The following SLC16A12 variants were observed in gnomAD, a reference collection of about 807,000 sequenced individuals.
The protein encoded by SLC16A12 is monocarboxylate transporter 12.
In SLC16A12, 17 loss-of-function variants were observed where a neutral mutation model predicts 42.4. The observed-to-expected ratio is 0.40, with a 90% CI of 0.27 to 0.60. The LOEUF (loss-of-function observed/expected upper bound fraction) is 0.60, where lower values mean the gene tolerates loss of function less well. Among genes scored for constraint, SLC16A12 ranks in the 20% least tolerant of loss-of-function variants. The pLI is 0.42. For missense variants in SLC16A12, 544 were observed against 623.0 expected (o/e 0.87, Z 1.35); for synonymous variants, 224 against 229.4 (o/e 0.98, Z 0.21).
chr10:89,466,920 T>C (rs1842410172), intron 2 of SLC16A12, among the ~76,000 whole-genome samples: 1 of 152,240 alleles, frequency 6.6e-6, no homozygotes, highest in African/African-American at 2.4e-5. Context: ...GTTTATGGTA[T>C]GTTTTATGCC....
rs76918763 is a variant in SLC16A12 at position 89,549,514 on chromosome 10, T to C, written c.-47+6368A>G. Among the ~76,000 whole-genome samples the C allele has an allele frequency of 5.6e-3, 851 of 152,340 alleles. 10 individuals carry two copies. The highest frequency in any genetic ancestry group is 0.019 in the African/African-American group (810 of 41,578). On this transcript the variant is annotated intron_variant, in intron 2 of 2. Transcript: ENST00000475682. ...TTTCTAGCAATATAAATAATAGGCA[T>C]CAGTTTTTGTTTTTGTTTTTTTCAG...
chr10:89,454,662 T>C (rs1842156690), intron 3 of SLC16A12, among the ~76,000 whole-genome samples: 1 of 151,974 alleles, frequency 6.6e-6, no homozygotes, highest in African/African-American at 2.4e-5. Flanking sequence ...TTTTTTTTCT[T>C]TTCTAGCATG....
chr10:89,464,292 C>A (rs1842356002), intron 2 of SLC16A12, among the ~76,000 whole-genome samples: 1 of 152,212 alleles, frequency 6.6e-6, no homozygotes, highest in Non-Finnish European at 1.5e-5. Flanking sequence ...CTGACTGCAG[C>A]TTTGTGATAC....
intron 2 of SLC16A12, among the ~76,000 whole-genome samples, chr10:89,519,144 C>T (rs1179323083): frequency 6.6e-6 from 1 of 152,034 alleles, no homozygotes; most frequent in Non-Finnish European, 1.5e-5. Flanking sequence ...GTCACTTTCA[C>T]TACAACTCCA....
At chr10:89,439,969 G>A (rs1589660629) in intron 5 of SLC16A12, among the ~76,000 whole-genome samples, 2 of 150,764 alleles carry the variant, frequency 1.3e-5, no homozygotes, top group Middle Eastern at 6.9e-3. Context: ...TAGCTACTCA[G>A]GAGGCTGAAG....
upstream of SLC16A12, among the ~76,000 whole-genome samples, chr10:89,535,710 G>T (rs1843647032): frequency 6.6e-6 from 1 of 151,628 alleles, no homozygotes; most frequent in Non-Finnish European, 1.5e-5. Context: ...CAGCCCTGGC[G>T]GTAGCGCGCG....
chr10:89,438,992 C>G lies in SLC16A12; in HGVS notation c.640G>C (p.Val214Leu). 3 of 1,614,180 alleles carry G rather than the reference C, an allele frequency of 1.9e-6. No individual in the cohort carries two copies. Among genetic ancestry groups the G allele is most frequent in the Non-Finnish European group, 2.5e-6 (3 of 1,180,040 alleles). ...RGALLILGGF[V>L]LNLCVCGALM... ...GCACCACATACACAGAGATTCAAGA[C>G]AAAGCCCCCAAGAATGAGTAAGGCT... The change falls in exon 6 of 8, where the codon GTC becomes CTC. Residue 214 changes from valine (V) to leucine (L), a missense_variant. Coordinates refer to ENST00000371790, the MANE Select transcript of SLC16A12 (RefSeq NM_213606.4).
intron 2 of SLC16A12, among the ~76,000 whole-genome samples, chr10:89,525,558 C>G (rs1324151759): frequency 6.6e-6 from 1 of 152,196 alleles, no homozygotes; most frequent in Non-Finnish European, 1.5e-5. Flanking sequence ...CCCTTAATCA[C>G]TGGAACACTT....
At chr10:89,546,997 C>T (rs559270455) in intron 2 of SLC16A12, among the ~76,000 whole-genome samples, 2 of 152,240 alleles carry the variant, frequency 1.3e-5, no homozygotes, top group East Asian at 3.9e-4. Context: ...AACACATGGA[C>T]ACAGGGAGGG....
rs1842321200 is a variant in SLC16A12, at chr10:89,462,637, A to C, written c.-46-13T>G. ...GGTTACTCGCCATCTAAAACCAAAA[A>C]TCAGGACATATTTATATCTTATTGC... On this transcript the variant is annotated splice_polypyrimidine_tract_variant and intron_variant, in intron 2 of 7. Coordinates refer to ENST00000371790, the MANE Select transcript of SLC16A12 (RefSeq NM_213606.4). 1 of 1,530,586 alleles carries C rather than the reference A, an allele frequency of 6.5e-7. No individual in the cohort carries two copies. Among genetic ancestry groups the C allele is most frequent in the Non-Finnish European group, 8.7e-7 (1 of 1,145,818 alleles). The allele number at this position is 1,530,586 out of a possible 1,614,324, so 94.8% of individuals were successfully genotyped here.
At chr10:89,517,164 G>A (rs1843266944) in intron 2 of SLC16A12, among the ~76,000 whole-genome samples, 1 of 152,164 alleles carries the variant, frequency 6.6e-6, no homozygotes. Context: ...GTTCAAGGCT[G>A]CAGTGAGCTA....
At chr10:89,501,832 C>T (rs1842994528) in intron 2 of SLC16A12, among the ~76,000 whole-genome samples, 2 of 152,190 alleles carry the variant, frequency 1.3e-5, no homozygotes, top group Non-Finnish European at 2.9e-5. Flanking sequence ...CTCATTTGCT[C>T]ATTTGTTTAT....
intron 2 of SLC16A12, among the ~76,000 whole-genome samples, chr10:89,527,286 C>T (rs531206851): frequency 4.6e-5 from 7 of 151,930 alleles, no homozygotes; most frequent in Middle Eastern, 3.4e-3. Flanking sequence ...AGTTTGAGAC[C>T]AGCCTGACCA....
chr10:89,524,699 T>A (rs2133860029), intron 2 of SLC16A12, among the ~76,000 whole-genome samples: 1 of 152,208 alleles, frequency 6.6e-6, no homozygotes, highest in African/African-American at 2.4e-5. Flanking sequence ...AGGCTTTCCA[T>A]CTCCTGGGAA....
chr10:89,445,813 T>G lies in SLC16A12; in HGVS notation c.201-1954A>C, dbSNP rs188528148. 5.3e-5 allele frequency among the ~76,000 whole-genome samples: 8 copies of G among 152,218 alleles called. No individual in the cohort carries two copies. The East Asian group carries it at 1.3e-3, about 26-fold the overall frequency. On this transcript the variant is annotated intron_variant, in intron 3 of 7. Coordinates refer to ENST00000371790, the MANE Select transcript of SLC16A12 (RefSeq NM_213606.4). ...TCAGTACTAACAAACTTCTCCGAGCTAAAGGAGGATGTTCGAACCCATCAC... is the reference window on the plus strand; with the variant it reads ...TCAGTACTAACAAACTTCTCCGAGCGAAAGGAGGATGTTCGAACCCATCAC...
chr10:89,444,590 T>C (rs1272463455), intron 3 of SLC16A12, among the ~76,000 whole-genome samples: 2 of 152,256 alleles, frequency 1.3e-5, no homozygotes, highest in Non-Finnish European at 2.9e-5. Context: ...ACAGTTCATA[T>C]AGTAGGAACT....
At chr10:89,513,997 G>T (rs304466) in intron 2 of SLC16A12, among the ~76,000 whole-genome samples, 28,279 of 152,234 alleles carry the variant, frequency 0.19, 3,200 homozygotes, top group Middle Eastern at 0.31. Flanking sequence ...CTAGTGTCCA[G>T]ATGTATACTT....
At chr10:89,544,646 A>C (rs966226574) in intron 2 of SLC16A12, among the ~76,000 whole-genome samples, 3 of 152,134 alleles carry the variant, frequency 2.0e-5, no homozygotes, top group Non-Finnish European at 4.4e-5. Context: ...AATTTATTGA[A>C]ATTTTTTAGT....
At chr10:89,499,079 C>T (rs1842961228) in intron 2 of SLC16A12, among the ~76,000 whole-genome samples, 1 of 152,116 alleles carries the variant, frequency 6.6e-6, no homozygotes, top group African/African-American at 2.4e-5. Context: ...CTTTAACATC[C>T]CCCAAAAAAT....
Sources: gnomAD v4.1 joint callset for allele counts (sites outside exome capture counted in the v4.1 genomes callset) on GRCh38, gnomAD v4.1.1 for gene constraint, MANE v1.5 for transcripts, NCBI Gene and HGNC (gene_info 2026-07-23, HGNC 2026-07-21) for gene names.